MACROD2: variants seen among roughly 807,000 people sequenced by gnomAD.
The protein encoded by MACROD2 is mono-ADP ribosylhydrolase 2.
MACROD2 carries 36 observed loss-of-function variants against 70.4 expected under a neutral mutation model. The ratio of observed to expected loss-of-function variants is 0.51; its 90% CI spans 0.39 to 0.68. The LOEUF is 0.68. Ranked by LOEUF, MACROD2 falls within the 30% of genes least tolerant of loss-of-function variation. The pLI is 0.00. For synonymous variants in MACROD2, 172 were observed against 178.8 expected, an observed-to-expected ratio of 0.96 and a Z score of 0.30; for missense variants, 496 against 538.4, an observed-to-expected ratio of 0.92 and a Z score of 0.78.
intron 4 of MACROD2, among the ~76,000 whole-genome samples, chr20:14,544,921 G>GCAGT (rs1332613364): frequency 6.6e-6 from 1 of 152,156 alleles, no homozygotes; most frequent in African/African-American, 2.4e-5. Context: ...TGTTTGGCAG[G>GCAGT]CAGAGAAGCT....
At chr20:14,380,985 G>A (rs2083415163) in intron 3 of MACROD2, among the ~76,000 whole-genome samples, 1 of 151,964 alleles carries the variant, frequency 6.6e-6, no homozygotes, top group Admixed American at 6.6e-5. Context: ...TATTCACATA[G>A]TGGCTATCAC....
chr20:14,400,649 T>C (rs2083628061), intron 3 of MACROD2, among the ~76,000 whole-genome samples: 2 of 152,168 alleles, frequency 1.3e-5, no homozygotes, highest in African/African-American at 4.8e-5. Context: ...GGAAAATGTC[T>C]CCGGGCAGCA....
rs1213927747 is a variant in MACROD2, at chr20:14,308,792, A to G, written c.272-184687A>G. ...AGTGCCTCTGAGTGCCTACTAAGGA[A>G]CAGTTGTGGAGATAGGCCAAAGCTA... is the stretch of plus-strand genomic sequence containing the variant. On this transcript the variant is annotated intron_variant, in intron 3 of 17. Transcript: ENST00000684519. Among the ~76,000 whole-genome samples, 6 of 152,248 alleles carry G rather than the reference A, an allele frequency of 3.9e-5. No homozygotes were observed. The East Asian group carries it at 1.2e-3, about 29-fold the overall frequency.
intron 3 of MACROD2, among the ~76,000 whole-genome samples, chr20:14,143,549 TTGCTTGGAGG>T (rs2054904615): frequency 6.6e-6 from 1 of 152,114 alleles, no homozygotes; most frequent in Non-Finnish European, 1.5e-5. Flanking sequence ...TGATGACCAC[TTGCTTGGAGG>T]AAAAAAAAAA....
chr20:14,775,386 CTGGTGAGGGCT>C, intron 5 of MACROD2, among the ~76,000 whole-genome samples: 1 of 152,146 alleles, frequency 6.6e-6, no homozygotes, highest in African/African-American at 2.4e-5. Flanking sequence ...GCATCTGTTT[CTGGTGAGGGCT>C]TGTAGAAGCT....
chr20:14,371,737 G>C (rs204647), intron 3 of MACROD2, among the ~76,000 whole-genome samples: 7 of 151,724 alleles, frequency 4.6e-5, no homozygotes, highest in Admixed American at 4.6e-4. Flanking sequence ...GTTTATGATA[G>C]GCTTTAAAGA....
chr20:14,844,047 A>G (rs2073113792), intron 5 of MACROD2, among the ~76,000 whole-genome samples: 1 of 152,136 alleles, frequency 6.6e-6, no homozygotes, highest in Non-Finnish European at 1.5e-5. Flanking sequence ...TCACATAGAT[A>G]TCTCAGTGCA....
intron 3 of MACROD2, among the ~76,000 whole-genome samples, chr20:14,445,149 G>T (rs1600243912): frequency 6.6e-6 from 1 of 152,050 alleles, no homozygotes; most frequent in Non-Finnish European, 1.5e-5. Flanking sequence ...TTACCTTTCT[G>T]ATGCCATCTC....
chr20:14,619,476 A>G (rs1425190402), intron 4 of MACROD2, among the ~76,000 whole-genome samples: 2 of 2,850 alleles, frequency 7.0e-4, no homozygotes, highest in African/African-American at 1.3e-3. Context: ...AGGAAGGAGG[A>G]AAGGAAGGAA....
rs759351093 is a variant in MACROD2 at position 16,051,784 on chromosome 20, G to A, written c.*1908G>A. The A allele has an allele frequency of 2.6e-5, 4 of 152,118 alleles. No individual in the cohort carries two copies. The highest frequency in any genetic ancestry group is 1.9e-4 in the East Asian group (1 of 5,192). The allele number at this position is 152,118 out of a possible 1,614,324, so 9.4% of individuals were successfully genotyped here. Reference sequence around the variant, plus strand: ...GACAAGTGCAATCTGCTAGAAGCTCGTTTTTCTTGTGACTCCCAAATGTTA... The same window carrying A: ...GACAAGTGCAATCTGCTAGAAGCTCATTTTTCTTGTGACTCCCAAATGTTA... On this transcript the variant is annotated 3_prime_UTR_variant, in exon 18 of 18. Coordinates refer to ENST00000684519, the MANE Select transcript of MACROD2 (RefSeq NM_001351661.2).
chr20:15,309,174 A>T (rs1019359197), intron 6 of MACROD2, among the ~76,000 whole-genome samples: 7 of 152,200 alleles, frequency 4.6e-5, no homozygotes, highest in African/African-American at 1.4e-4. Context: ...GTTATTTTTC[A>T]TACAAACTCA....
At chr20:15,117,989 C>CT (rs1239662144) in intron 5 of MACROD2, among the ~76,000 whole-genome samples, 3 of 151,978 alleles carry the variant, frequency 2.0e-5, no homozygotes, top group African/African-American at 4.8e-5. Flanking sequence ...ATGTGTTTTA[C>CT]TTTTTTGTGG....
chr20:14,019,750 A>G (rs2148623147), intron 2 of MACROD2, among the ~76,000 whole-genome samples: 1 of 152,288 alleles, frequency 6.6e-6, no homozygotes, highest in South Asian at 2.1e-4. Context: ...TGAGAAATGC[A>G]AAAGTCTGAA....
rs184399769 is a variant in MACROD2, at chr20:15,235,407, C to A, written c.540+5346C>A. 2.0e-5 allele frequency among the ~76,000 whole-genome samples: 3 copies of A among 152,164 alleles called. No individual in the cohort carries two copies. In the East Asian group the frequency reaches 5.8e-4, roughly 29 times the overall value. On this transcript the variant is annotated intron_variant, in intron 6 of 17. Transcript: ENST00000684519. The stretch of plus-strand genomic sequence containing the variant: ...ATTGTAAATTTTTGTTAGTAGGAAC[C>A]ACCCAACTTCAATAGGGATCCCTCA...
At chr20:14,924,840 C>T (rs548629126) in intron 5 of MACROD2, among the ~76,000 whole-genome samples, 38 of 152,154 alleles carry the variant, frequency 2.5e-4, no homozygotes, top group African/African-American at 9.2e-4. Flanking sequence ...CAGTTACTAT[C>T]ATTAAAACAT....
intron 5 of MACROD2, among the ~76,000 whole-genome samples, chr20:14,697,971 G>T (rs1022813921): frequency 5.9e-5 from 9 of 152,140 alleles, no homozygotes; most frequent in Admixed American, 5.9e-4. Context: ...TAAGCAAATG[G>T]TTCATTCAGG....
At chr20:14,971,060 C>T (rs966394860) in intron 5 of MACROD2, among the ~76,000 whole-genome samples, 5 of 152,260 alleles carry the variant, frequency 3.3e-5, no homozygotes, top group Admixed American at 2.0e-4. Context: ...TATAAAATGA[C>T]GTAGTATTTG....
At chr20:15,913,213 T>C (rs2065261940) in intron 10 of MACROD2, among the ~76,000 whole-genome samples, 1 of 151,624 alleles carries the variant, frequency 6.6e-6, no homozygotes, top group African/African-American at 2.4e-5. Flanking sequence ...CCCTCTTCTC[T>C]TCATAGAAAA....
intron 8 of MACROD2, among the ~76,000 whole-genome samples, chr20:15,670,593 T>A (rs185653390): frequency 9.8e-4 from 150 of 152,306 alleles, no homozygotes; most frequent in Non-Finnish European, 1.4e-3. Context: ...ATCTGAGACA[T>A]TTTTTATAAC....
Sources: gnomAD v4.1 joint callset for allele counts (sites outside exome capture counted in the v4.1 genomes callset) on GRCh38, gnomAD v4.1.1 for gene constraint, MANE v1.5 for transcripts, NCBI Gene and HGNC (gene_info 2026-07-23, HGNC 2026-07-21) for gene names.